SGCZ: variants seen among roughly 807,000 people sequenced by gnomAD.
SGCZ encodes zeta-sarcoglycan.
A neutral mutation model predicts 41.3 loss-of-function variants in SGCZ; 40 were observed. The observed-to-expected ratio is 0.97, with a 90% CI of 0.75 to 1.26. The LOEUF (loss-of-function observed/expected upper bound fraction) is 1.26, where lower values mean the gene tolerates loss of function less well. SGCZ is among the 50% of genes most tolerant of loss of function. The pLI is 0.00. For missense variants in SGCZ, 552 were observed against 369.8 expected (o/e 1.49, Z -4.04); for synonymous variants, 206 against 137.5 (o/e 1.50, Z -3.49).
At chr8:14,698,350 C>T (rs1390320815) in intron 1 of SGCZ, among the ~76,000 whole-genome samples, 1 of 151,768 alleles carries the variant, frequency 6.6e-6, no homozygotes, top group African/African-American at 2.4e-5. Context: ...AATGATTTTT[C>T]TGGTTTCTAA....
chr8:14,469,502 G>T (rs914364457), intron 2 of SGCZ, among the ~76,000 whole-genome samples: 1 of 151,894 alleles, frequency 6.6e-6, no homozygotes, highest in African/African-American at 2.4e-5. Flanking sequence ...CATGAGTGTG[G>T]CATTATAAAA....
intron 1 of SGCZ, among the ~76,000 whole-genome samples, chr8:14,948,505 T>A (rs556687476): frequency 6.6e-6 from 1 of 152,140 alleles, no homozygotes; most frequent in South Asian, 2.1e-4. Context: ...CTCCGCTAGA[T>A]CAAACTATAC....
intron 1 of SGCZ, among the ~76,000 whole-genome samples, chr8:14,600,512 C>T (rs1323462850): frequency 1.3e-5 from 2 of 152,114 alleles, no homozygotes; most frequent in Non-Finnish European, 2.9e-5. Context: ...TCTCTCAGTG[C>T]GGGAGAGTCA....
At chr8:14,734,914 A>G (rs1213451892) in intron 1 of SGCZ, among the ~76,000 whole-genome samples, 1 of 152,182 alleles carries the variant, frequency 6.6e-6, no homozygotes, top group Non-Finnish European at 1.5e-5. Flanking sequence ...CTTGTTTAAC[A>G]TGGTATGGGA....
intron 1 of SGCZ, among the ~76,000 whole-genome samples, chr8:14,946,054 A>ATATATATG (rs1554526190): frequency 1.8e-4 from 16 of 90,988 alleles, no homozygotes; most frequent in African/African-American, 6.4e-4. Flanking sequence ...ATATATATAT[A>ATATATATG]TGAATCATTC....
chr8:15,131,802 G>A (rs928436684), intron 1 of SGCZ, among the ~76,000 whole-genome samples: 1 of 152,124 alleles, frequency 6.6e-6, no homozygotes, highest in Non-Finnish European at 1.5e-5. Flanking sequence ...CACAGGGAAT[G>A]GCTAAAAAAA....
At chr8:15,162,986 G>A (rs1484333468) in intron 1 of SGCZ, among the ~76,000 whole-genome samples, 4 of 152,184 alleles carry the variant, frequency 2.6e-5, no homozygotes, top group African/African-American at 9.7e-5. Context: ...AATGTCTTGT[G>A]TCTTAAAACC....
intron 2 of SGCZ, among the ~76,000 whole-genome samples, chr8:14,360,195 C>G (rs1303629757): frequency 6.6e-6 from 1 of 152,082 alleles, no homozygotes; most frequent in African/African-American, 2.4e-5. Context: ...CCCTTAAAAT[C>G]TGGAAAAAGA....
rs1563356625 is a variant in SGCZ at position 14,479,752 on chromosome 8, T to TTTTTC, written c.234+74979_234+74980insGAAAA. 4.5e-5 allele frequency among the ~76,000 whole-genome samples: 3 copies of TTTTTC among 66,532 alleles called. No homozygotes were observed. The East Asian group carries it at 1.0e-3, about 23-fold the overall frequency. The allele number at this position is 66,532 out of a possible 152,430, so 43.6% of individuals were successfully genotyped here. ...ACTTCTTTTTTTTTTTTTTTTTTTT[T>TTTTTC]TTTTTTTTTATTTGAGATGGAGTTT... On this transcript the variant is annotated intron_variant, in intron 2 of 7. Transcript: ENST00000382080.
At chr8:14,368,469 T>C (rs1296505664) in intron 2 of SGCZ, among the ~76,000 whole-genome samples, 2 of 152,110 alleles carry the variant, frequency 1.3e-5, no homozygotes, top group African/African-American at 4.8e-5. Flanking sequence ...AGTGAACTTA[T>C]AATTAATCAG....
chr8:14,729,953 G>C (rs2254052), intron 1 of SGCZ, among the ~76,000 whole-genome samples: 151,850 of 152,280 alleles, frequency 1, 75,712 homozygotes, highest in Middle Eastern at 1. Context: ...GGCATGGTAG[G>C]ACAGTCCTCT....
intron 1 of SGCZ, among the ~76,000 whole-genome samples, chr8:14,925,529 T>C (rs1799720363): frequency 1.3e-5 from 2 of 152,214 alleles, no homozygotes; most frequent in African/African-American, 4.8e-5. Context: ...AGGAGATGCA[T>C]TGCCTATAAA....
chr8:14,565,581 G>T (rs1465579819), intron 1 of SGCZ, among the ~76,000 whole-genome samples: 1 of 152,030 alleles, frequency 6.6e-6, no homozygotes, highest in East Asian at 1.9e-4. Flanking sequence ...TTCACAGCAG[G>T]GGAAGAAGGA....
chr8:14,764,658 G>A (rs1394211249), intron 1 of SGCZ, among the ~76,000 whole-genome samples: 1 of 152,078 alleles, frequency 6.6e-6, no homozygotes, highest in Non-Finnish European at 1.5e-5. Flanking sequence ...AGGGGTCATC[G>A]CTCTAGATTA....
chr8:14,876,286 G>A (rs988797622), intron 1 of SGCZ, among the ~76,000 whole-genome samples: 6 of 152,112 alleles, frequency 3.9e-5, no homozygotes, highest in Admixed American at 1.3e-4. Context: ...GGGGGAAATG[G>A]AAAATATTTT....
At chr8:14,994,426 TACAA>T (rs1416328888) in intron 1 of SGCZ, among the ~76,000 whole-genome samples, 1 of 151,936 alleles carries the variant, frequency 6.6e-6, no homozygotes, top group Non-Finnish European at 1.5e-5. Context: ...TCTACTAAAA[TACAA>T]ACAATTAGCT....
At position 14,092,515 on chromosome 8, in the gene SGCZ, C is replaced by A. The variant is rs139011496; in HGVS notation, c.745-1878G>T. On this transcript the variant is annotated intron_variant, in intron 7 of 7. Transcript: ENST00000382080. ...GGTTTGGCTGTGTCCCCACCCAAAC[C>A]TCATCTTGAATTGTAACCCCCATAA... Among the ~76,000 whole-genome samples, 257 of 151,992 alleles carry A rather than the reference C, an allele frequency of 1.7e-3. 5 individuals carry two copies. In the East Asian group the frequency reaches 0.04, roughly 24 times the overall value.
chr8:14,796,917 T>G (rs1348400502), intron 1 of SGCZ, among the ~76,000 whole-genome samples: 13 of 152,152 alleles, frequency 8.5e-5, no homozygotes. Context: ...ATCAGTCTCT[T>G]TCCTGCCACC....
chr8:15,039,943 T>A lies in SGCZ; in HGVS notation c.39+197642A>T, dbSNP rs562605770. 2.0e-5 allele frequency among the ~76,000 whole-genome samples: 3 copies of A among 152,334 alleles called. No homozygotes were observed. In the South Asian group the frequency reaches 6.2e-4, roughly 32 times the overall value. Reference sequence around the variant, plus strand: ...TGTTTGGCACACTACTGACTTAAAGTAGCAGGGAATTTATTATAACTTATG... The same window carrying A: ...TGTTTGGCACACTACTGACTTAAAGAAGCAGGGAATTTATTATAACTTATG... On this transcript the variant is annotated intron_variant, in intron 1 of 7. Transcript: ENST00000382080.
Sources: allele counts gnomAD v4.1 joint callset (sites outside exome capture counted in the v4.1 genomes callset), GRCh38; gene constraint gnomAD v4.1.1; transcripts MANE v1.5; gene names NCBI Gene and HGNC (gene_info 2026-07-23, HGNC 2026-07-21).